The following CDIN1 variants were observed in gnomAD, a reference collection of about 807,000 sequenced individuals.
CDIN1 encodes CDAN1 interacting nuclease 1.
CDIN1 carries 33 observed loss-of-function variants against 45.3 expected under a neutral mutation model. That is an observed-to-expected ratio of 0.73 (90% CI 0.55 to 0.97). The LOEUF (loss-of-function observed/expected upper bound fraction) is 0.97, where lower values mean the gene tolerates loss of function less well. CDIN1 is among the 50% of genes least tolerant of loss of function. The pLI is 0.00. For missense variants in CDIN1, 303 were observed against 339.4 expected (o/e 0.89, Z 0.84); for synonymous variants, 118 against 124.4 (o/e 0.95, Z 0.34).
At chr15:36,650,053 C>T (rs1322287756) in intron 3 of CDIN1, among the ~76,000 whole-genome samples, 1 of 152,174 alleles carries the variant, frequency 6.6e-6, no homozygotes, top group Non-Finnish European at 1.5e-5. Context: ...TACATGTGAA[C>T]ATCTGAATAA....
intron 1 of CDIN1, among the ~76,000 whole-genome samples, chr15:36,586,225 C>A (rs1383895074): frequency 2.0e-5 from 3 of 147,462 alleles, no homozygotes; most frequent in African/African-American, 7.5e-5. Flanking sequence ...TACAACTGCA[C>A]TATAAAGTTA....
chr15:36,691,010 T>G (rs2042228578), intron 5 of CDIN1: 1 of 379,974 alleles, frequency 2.6e-6, no homozygotes, highest in South Asian at 2.1e-5. Flanking sequence ...GGGTTCAACT[T>G]AATTTGCAAG....
chr15:36,608,970 T>C (rs2038512314), intron 1 of CDIN1, among the ~76,000 whole-genome samples: 1 of 140,912 alleles, frequency 7.1e-6, no homozygotes, highest in Non-Finnish European at 1.5e-5. Flanking sequence ...TGTATGTATG[T>C]GTGTATATAG....
At chr15:36,621,365 A>C (rs1399999407) in intron 1 of CDIN1, among the ~76,000 whole-genome samples, 5 of 152,200 alleles carry the variant, frequency 3.3e-5, no homozygotes, top group African/African-American at 4.8e-5. Flanking sequence ...CTTTGAAAAC[A>C]CTGCACGTAT....
At chr15:36,726,439 GT>G (rs968488230) in intron 10 of CDIN1, among the ~76,000 whole-genome samples, 2 of 152,090 alleles carry the variant, frequency 1.3e-5, no homozygotes, top group Admixed American at 6.5e-5. Context: ...CCAGGGCCTA[GT>G]CACACACACT....
Position 36,622,158 on chromosome 15 carries a change from T to C in CDIN1, c.102-22120T>C, listed in dbSNP as rs2039226213. Among the ~76,000 whole-genome samples the C allele has an allele frequency of 2.6e-5, 4 of 152,264 alleles. No individual in the cohort carries two copies. The South Asian group carries it at 8.3e-4, about 31-fold the overall frequency. On this transcript the variant is annotated intron_variant, in intron 1 of 10. Transcript: ENST00000566621. The stretch of plus-strand genomic sequence containing the variant: ...GTCACCTGCTTTTGATCTTTTTCAT[T>C]GTGCTTATGCTTAAAACTAGATTTC...
At chr15:36,794,353 T>C (rs922113822) in intron 10 of CDIN1, among the ~76,000 whole-genome samples, 9 of 152,256 alleles carry the variant, frequency 5.9e-5, no homozygotes, top group African/African-American at 2.2e-4. Flanking sequence ...ATCATAACTA[T>C]TTTTAAGTGT....
intron 5 of CDIN1, among the ~76,000 whole-genome samples, chr15:36,681,019 C>A (rs554101036): frequency 6.6e-6 from 1 of 151,918 alleles, no homozygotes; most frequent in East Asian, 1.9e-4. Flanking sequence ...AGACCAATTA[C>A]CATGGAGAAG....
chr15:36,717,402 T>G lies in CDIN1; in HGVS notation c.716+7441T>G, dbSNP rs1321928231. Among the ~76,000 whole-genome samples the G allele has an allele frequency of 2.0e-5, 3 of 152,178 alleles. No individual in the cohort carries two copies. The East Asian group carries it at 5.8e-4, about 29-fold the overall frequency. ...GTTGATTACTTTGCTTCTACTATTT[T>G]ATGTAAATAGAACTATGCAGCATGT... is the stretch of plus-strand genomic sequence containing the variant. On this transcript the variant is annotated intron_variant, in intron 10 of 10. Coordinates refer to ENST00000566621, the MANE Select transcript of CDIN1 (RefSeq NM_001321759.2).
At chr15:36,692,103 C>T (rs780771713) in intron 6 of CDIN1, 23 bp from the exon 7 acceptor site, 3 of 1,612,808 alleles carry the variant, frequency 1.9e-6, no homozygotes, top group Admixed American at 1.7e-5. Context: ...CCACCCCAGA[C>T]CCCTTTTCTT....
intron 10 of CDIN1, among the ~76,000 whole-genome samples, chr15:36,800,407 G>T (rs1330548051): frequency 1.3e-5 from 2 of 152,086 alleles, no homozygotes; most frequent in African/African-American, 4.8e-5. Context: ...CATAGTGCCA[G>T]AACTTTATGA....
chr15:36,780,108 A>G (rs2054313749), intron 10 of CDIN1, among the ~76,000 whole-genome samples: 1 of 152,210 alleles, frequency 6.6e-6, no homozygotes, highest in Admixed American at 6.5e-5. Flanking sequence ...TGTATGGTGT[A>G]TAAAGATATT....
At chr15:36,631,895 G>A (rs573981273) in intron 1 of CDIN1, among the ~76,000 whole-genome samples, 27 of 152,256 alleles carry the variant, frequency 1.8e-4, no homozygotes, top group African/African-American at 6.5e-4. Context: ...CAGTGGCACA[G>A]TTCTAGCTCA....
At position 36,808,354 on chromosome 15, in the gene CDIN1, TG is replaced by T; in HGVS notation, c.749del (p.Gly250AspfsTer31). ...FGPGLVIYWY[G>X]FIQELDCNRE... ...GGCCAGGCTTAGTCATCTATTGGTA[TG>T]GATTTATCCAGGAGCTGGACTGCAA... is the stretch of plus-strand genomic sequence containing the variant. On this transcript the variant is annotated frameshift_variant, in exon 11 of 11. Transcript: ENST00000566621. LOFTEE classifies it high-confidence loss of function. 2 of 1,613,616 alleles carry T rather than the reference TG, an allele frequency of 1.2e-6. No individual in the cohort carries two copies. The highest frequency in any genetic ancestry group is 1.7e-6 in the Non-Finnish European group (2 of 1,179,624).
chr15:36,587,801 G>T (rs909849874), intron 1 of CDIN1, among the ~76,000 whole-genome samples: 37 of 152,212 alleles, frequency 2.4e-4, no homozygotes, highest in Admixed American at 2.4e-3. Context: ...TAAAAGGAGA[G>T]GTGAAGTCCG....
intron 10 of CDIN1, among the ~76,000 whole-genome samples, chr15:36,746,713 TAAAAG>T (rs2044455029): frequency 8.2e-6 from 1 of 122,592 alleles, no homozygotes; most frequent in Non-Finnish European, 1.7e-5. Flanking sequence ...ACTTTGTGAG[TAAAAG>T]AAAACAAGGT....
At chr15:36,585,921 C>A (rs2037274765) in intron 1 of CDIN1, among the ~76,000 whole-genome samples, 1 of 152,112 alleles carries the variant, frequency 6.6e-6, no homozygotes, top group South Asian at 2.1e-4. Flanking sequence ...AACTTGCTAA[C>A]CTGTACTGTG....
chr15:36,640,561 G>C (rs1566857336), intron 1 of CDIN1: 1 of 892,434 alleles, frequency 1.1e-6, no homozygotes, highest in East Asian at 1.2e-4. Flanking sequence ...TATAGAAAAG[G>C]AGCTTTAAGG....
At chr15:36,760,151 T>C (rs1188703538) in intron 10 of CDIN1, among the ~76,000 whole-genome samples, 1 of 152,176 alleles carries the variant, frequency 6.6e-6, no homozygotes, top group Non-Finnish European at 1.5e-5. Context: ...TATATGGCAA[T>C]AGAATTTTTT....
Sources: gnomAD v4.1 joint callset for allele counts (sites outside exome capture counted in the v4.1 genomes callset) on GRCh38, gnomAD v4.1.1 for gene constraint, MANE v1.5 for transcripts, NCBI Gene and HGNC (gene_info 2026-07-23, HGNC 2026-07-21) for gene names.